The following VSTM2L variants were observed in gnomAD, a reference collection of about 807,000 sequenced individuals.
VSTM2L encodes V-set and transmembrane domain containing 2 like, also known as V-set and transmembrane domain-containing protein 2-like protein.
VSTM2L carries 9 observed loss-of-function variants against 19.9 expected under a neutral mutation model. That is an observed-to-expected ratio of 0.45 (90% CI 0.27 to 0.79). The LOEUF (loss-of-function observed/expected upper bound fraction) is 0.79. VSTM2L is among the 30% of genes least tolerant of loss of function. The pLI is 0.15. For missense variants in VSTM2L, 286 were observed against 295.5 expected, an observed-to-expected ratio of 0.97 and a Z score of 0.24; for synonymous variants, 127 against 133.8, an observed-to-expected ratio of 0.95 and a Z score of 0.35.
intron 1 of VSTM2L, among the ~76,000 whole-genome samples, chr20:37,904,111 G>A (rs951644434): frequency 7.2e-5 from 11 of 152,288 alleles, no homozygotes; most frequent in Middle Eastern, 6.8e-3. Flanking sequence ...AGGTCCTTGG[G>A]GGCAGAAGAC....
At chr20:37,906,357 G>A (rs892345383) in intron 1 of VSTM2L, among the ~76,000 whole-genome samples, 3 of 152,198 alleles carry the variant, frequency 2.0e-5, no homozygotes, top group Non-Finnish European at 4.4e-5. Flanking sequence ...TGGGAGGTGG[G>A]GTGGTGATGG....
rs763168906 is a variant in VSTM2L at position 37,931,675 on chromosome 20, G to A, written c.162G>A (p.Thr54=). ...CACCCCATGACATGACAGCACGGAC[G>A]GGCGAGGACGTGGAGATGGCCTGCT... ...TETPHDMTAR[T]GEDVEMACSF... Residue 54 remains threonine (T), a synonymous_variant, in exon 2 of 4, where the codon ACG becomes ACA. Coordinates refer to ENST00000373461, the MANE Select transcript of VSTM2L (RefSeq NM_080607.3). 61 of 1,613,498 alleles carry A rather than the reference G, an allele frequency of 3.8e-5. No homozygotes were observed. In the Middle Eastern group the frequency reaches 5.0e-4, roughly 13 times the overall value.
intron 3 of VSTM2L, among the ~76,000 whole-genome samples, chr20:37,938,634 G>A (rs940872636): frequency 6.6e-6 from 1 of 152,254 alleles, no homozygotes; most frequent in African/African-American, 2.4e-5. Context: ...GGCTGAACTT[G>A]GCCCTGGCCA....
intron 1 of VSTM2L, among the ~76,000 whole-genome samples, chr20:37,908,677 C>G (rs59383137): frequency 6.6e-6 from 1 of 152,118 alleles, no homozygotes; most frequent in Non-Finnish European, 1.5e-5. Context: ...TGGGTACGCA[C>G]CTGTAGTCCC....
intron 1 of VSTM2L, among the ~76,000 whole-genome samples, chr20:37,914,502 G>C (rs1230281908): frequency 2.1e-5 from 1 of 48,568 alleles, no homozygotes; most frequent in African/African-American, 7.6e-5. Context: ...GTGTGTATGC[G>C]TGTGTGTTGT....
chr20:37,919,341 C>T (rs753520356), intron 1 of VSTM2L, among the ~76,000 whole-genome samples: 8 of 152,210 alleles, frequency 5.3e-5, no homozygotes, highest in Non-Finnish European at 1.0e-4. Flanking sequence ...TTCCTCCTGC[C>T]GCAGGCACCT....
chr20:37,938,838 A>G (rs973776665), intron 3 of VSTM2L, among the ~76,000 whole-genome samples: 3 of 152,174 alleles, frequency 2.0e-5, no homozygotes. Context: ...ATGAAATCCA[A>G]CGGGCTGCTC....
chr20:37,925,758 C>T (rs1371818301), intron 1 of VSTM2L, among the ~76,000 whole-genome samples: 2 of 152,190 alleles, frequency 1.3e-5, no homozygotes, highest in Non-Finnish European at 2.9e-5. Context: ...GGACCACAGC[C>T]CCTCTATGGA....
intron 1 of VSTM2L, among the ~76,000 whole-genome samples, chr20:37,911,521 C>A (rs1210652734): frequency 6.6e-6 from 1 of 152,220 alleles, no homozygotes; most frequent in Non-Finnish European, 1.5e-5. Context: ...CACAAGGGCC[C>A]AGGTGGGTGG....
At chr20:37,923,775 T>G (rs575688734) in intron 1 of VSTM2L, among the ~76,000 whole-genome samples, 1 of 152,234 alleles carries the variant, frequency 6.6e-6, no homozygotes, top group Admixed American at 6.5e-5. Flanking sequence ...GTTACAGGCT[T>G]CCACTTAGAG....
chr20:37,921,995 G>T (rs6013446), intron 1 of VSTM2L, among the ~76,000 whole-genome samples: 41,755 of 151,504 alleles, frequency 0.28, 7,089 homozygotes, highest in African/African-American at 0.49. Context: ...GCTGCAGTGA[G>T]CCCAGGGAAG....
At chr20:37,934,818 G>A (rs902712646) in intron 3 of VSTM2L, among the ~76,000 whole-genome samples, 8 of 152,122 alleles carry the variant, frequency 5.3e-5, no homozygotes, top group African/African-American at 1.7e-4. Context: ...GGAGGGGGTG[G>A]GCAAGAGAGC....
At position 37,945,098 on chromosome 20, in the gene VSTM2L, G is replaced by T; in HGVS notation, c.*845G>T. On this transcript the variant is annotated 3_prime_UTR_variant, in exon 4 of 4. Coordinates refer to ENST00000373461, the MANE Select transcript of VSTM2L (RefSeq NM_080607.3). ...CCGCCCCAGGGCCTGGGGCTGTTGG[G>T]AGCCAAGGGCCCCCTGGTACTCAGT... The T allele has an allele frequency of 1.0e-6, 1 of 985,752 alleles. No individual in the cohort carries two copies. Among genetic ancestry groups the T allele is most frequent in the Middle Eastern group, 5.2e-4 (1 of 1,914 alleles). The allele number at this position is 985,752 out of a possible 1,614,324, so 61.1% of individuals were successfully genotyped here.
intron 1 of VSTM2L, among the ~76,000 whole-genome samples, chr20:37,904,119 G>A (rs982923354): frequency 2.0e-5 from 3 of 152,210 alleles, no homozygotes; most frequent in Non-Finnish European, 2.9e-5. Flanking sequence ...GGGGGCAGAA[G>A]ACCTTGTTTC....
intron 3 of VSTM2L, among the ~76,000 whole-genome samples, chr20:37,939,376 C>T (rs992450185): frequency 5.9e-5 from 9 of 151,760 alleles, no homozygotes; most frequent in African/African-American, 1.9e-4. Flanking sequence ...CATGATCACG[C>T]CAGGGCACTC....
intron 1 of VSTM2L, among the ~76,000 whole-genome samples, chr20:37,914,645 C>G (rs2072806651): frequency 6.6e-6 from 1 of 152,044 alleles, no homozygotes; most frequent in South Asian, 2.1e-4. Context: ...CCCCTGTGCT[C>G]CACGGACCCC....
chr20:37,919,273 C>T (rs2072837080), intron 1 of VSTM2L, among the ~76,000 whole-genome samples: 1 of 152,208 alleles, frequency 6.6e-6, no homozygotes, highest in Admixed American at 6.5e-5. Flanking sequence ...GAAGAAAGCC[C>T]ATCTGCGTTT....
rs2072994634 is a variant in VSTM2L, at chr20:37,944,303, T to C, written c.*50T>C. 1.4e-6 allele frequency: 2 copies of C among 1,382,690 alleles called. No homozygotes were observed. Among genetic ancestry groups the C allele is most frequent in the African/African-American group, 1.5e-5 (1 of 65,884 alleles). The allele number at this position is 1,382,690 out of a possible 1,614,324, so 85.7% of individuals were successfully genotyped here. On this transcript the variant is annotated 3_prime_UTR_variant, in exon 4 of 4. Transcript: ENST00000373461. ...CCGCCCCCACGCTGTACAGAGTGCATGAGGAGCCGCCGGACCACCGGGGAC... is the reference window on the plus strand; with the variant it reads ...CCGCCCCCACGCTGTACAGAGTGCACGAGGAGCCGCCGGACCACCGGGGAC...
intron 1 of VSTM2L, 127 bp downstream of exon 1, chr20:37,903,598 C>T: frequency 3.1e-6 from 4 of 1,284,860 alleles, no homozygotes; most frequent in South Asian, 2.1e-5. Context: ...GCGCCCCCTG[C>T]CGGCGCGGTG....
Sources: gnomAD v4.1 joint callset for allele counts (sites outside exome capture counted in the v4.1 genomes callset) on GRCh38, gnomAD v4.1.1 for gene constraint, MANE v1.5 for transcripts, NCBI Gene and HGNC (gene_info 2026-07-23, HGNC 2026-07-21) for gene names.